Variants in TOGARAM1 observed in about 807,000 individuals in gnomAD.
TOGARAM1 encodes the protein TOG array regulator of axonemal microtubules protein 1.
A neutral mutation model predicts 166.6 loss-of-function variants in TOGARAM1; 100 were observed. That is an observed-to-expected ratio of 0.60 (90% CI 0.51 to 0.71). TOGARAM1 has a LOEUF of 0.71. Among genes scored for constraint, TOGARAM1 ranks in the 30% least tolerant of loss-of-function variants. The pLI is 0.00. For missense variants in TOGARAM1, 2,029 were observed against 2,102.7 expected (o/e 0.96, Z 0.69); for synonymous variants, 758 against 763.8 (o/e 0.99, Z 0.13).
intron 3 of TOGARAM1, among the ~76,000 whole-genome samples, chr14:45,003,406 GA>G (rs1159836463): frequency 1.3e-5 from 2 of 151,794 alleles, no homozygotes; most frequent in Admixed American, 6.6e-5. Flanking sequence ...AAGTAATAAA[GA>G]AAAAAATAAT....
At chr14:45,063,210 G>A (rs1021300569) in intron 16 of TOGARAM1, among the ~76,000 whole-genome samples, 6 of 151,836 alleles carry the variant, frequency 4.0e-5, no homozygotes, top group South Asian at 4.1e-4. Flanking sequence ...CCATTCATCC[G>A]TATATGGATA....
rs757832574 is a variant in TOGARAM1 at position 44,962,727 on chromosome 14, C to A, written c.306C>A (p.Leu102=). 31 of 1,613,820 alleles carry A rather than the reference C, an allele frequency of 1.9e-5. No homozygotes were observed. The South Asian group carries it at 3.3e-4, about 17-fold the overall frequency. The change falls in exon 1 of 20, where the codon CTC becomes CTA. Residue 102 remains leucine (L), a synonymous_variant. Coordinates refer to ENST00000361462, the MANE Select transcript of TOGARAM1 (RefSeq NM_001308120.2). ...AAGAGGACACTCGGCTCCTTCAACT[C>A]CTCCGCACTGCCCGGGATCCTTCTG... is the stretch of plus-strand genomic sequence containing the variant. ...GDEEDTRLLQ[L]LRTARDPSEA...
intron 1 of TOGARAM1, among the ~76,000 whole-genome samples, chr14:44,986,588 C>T (rs953679042): frequency 6.6e-6 from 1 of 152,044 alleles, no homozygotes; most frequent in Non-Finnish European, 1.5e-5. Flanking sequence ...TGAGCCACCA[C>T]TCCTGGCCCA....
intron 10 of TOGARAM1, among the ~76,000 whole-genome samples, 199 bp from the exon 11 acceptor site, chr14:45,032,024 G>A (rs773469790): frequency 1.1e-4 from 17 of 152,114 alleles, no homozygotes; most frequent in Non-Finnish European, 7.4e-5. Flanking sequence ...GCTGGGCATT[G>A]TGGTGCGCAC....
At chr14:45,054,361 T>G (rs1729418105) in intron 15 of TOGARAM1, 70 bp from the exon 16 acceptor site, 1 of 949,212 alleles carries the variant, frequency 1.1e-6, no homozygotes, top group South Asian at 1.8e-5. Flanking sequence ...ACTTTGAAAA[T>G]TACATTGTGT....
intron 2 of TOGARAM1, among the ~76,000 whole-genome samples, 178 bp from the exon 3 acceptor site, chr14:44,999,185 C>T (rs1446337443): frequency 6.6e-6 from 1 of 152,158 alleles, no homozygotes; most frequent in Non-Finnish European, 1.5e-5. Flanking sequence ...TAATTCCTGC[C>T]ACTAATCTGA....
At chr14:45,040,593 T>G (rs1881676644) in intron 11 of TOGARAM1, among the ~76,000 whole-genome samples, 1 of 152,020 alleles carries the variant, frequency 6.6e-6, no homozygotes, top group Non-Finnish European at 1.5e-5. Context: ...ACATGAAGAA[T>G]GAGAGAAGAA....
rs147045630 is a variant in TOGARAM1, at chr14:45,014,954, C to G, written c.3238+2879C>G. ...CTACAGTCCTTTCTAGCTTGTTGCCCCAGCTACCTCCTCTTCCTACCTTCC... is the reference window on the plus strand; with the variant it reads ...CTACAGTCCTTTCTAGCTTGTTGCCGCAGCTACCTCCTCTTCCTACCTTCC... On this transcript the variant is annotated intron_variant, in intron 7 of 19. Transcript: ENST00000361462. Among the ~76,000 whole-genome samples the G allele has an allele frequency of 8.3e-4, 126 of 152,184 alleles. 2 individuals are homozygous for G. Among genetic ancestry groups the G allele is most frequent in the African/African-American group, 2.8e-3 (115 of 41,532 alleles).
chr14:44,963,858 C>T lies in TOGARAM1; in HGVS notation c.1437C>T (p.Leu479=). 1 of 1,614,146 alleles carries T rather than the reference C, an allele frequency of 6.2e-7. No individual in the cohort carries two copies. Among genetic ancestry groups the T allele is most frequent in the Non-Finnish European group, 8.5e-7 (1 of 1,179,984 alleles). The part of the protein sequence containing the change: ...QQVLCLLLEH[L]KHKHSRVREE... ...TGCTTTGTTTACTCCTGGAACATCT[C>T]AAACATAAGCATTCCAGAGTGAGAG... Residue 479 remains leucine (L), a synonymous_variant, in exon 1 of 20, where the codon CTC becomes CTT. Transcript: ENST00000361462.
intron 10 of TOGARAM1, among the ~76,000 whole-genome samples, 183 bp from the exon 11 acceptor site, chr14:45,032,040 G>A (rs1423990466): frequency 2.0e-5 from 3 of 152,106 alleles, no homozygotes; most frequent in Non-Finnish European, 4.4e-5. Context: ...CGCACCTGTA[G>A]TCCCAGCTAC....
At chr14:45,043,940 T>G (rs1314153561) in intron 12 of TOGARAM1, 149 bp downstream of exon 12, 2 of 572,002 alleles carry the variant, frequency 3.5e-6, no homozygotes, top group Non-Finnish European at 6.2e-6. Flanking sequence ...TGTCTTAATT[T>G]GCAACATTAA....
chr14:44,987,609 G>GTGC lies in TOGARAM1; in HGVS notation c.2047-8134_2047-8132dup, dbSNP rs1886902028. On this transcript the variant is annotated intron_variant, in intron 1 of 19. Transcript: ENST00000361462. ...TCATTAAAAAGTCAGGAAACAACAG[G>GTGC]TGCTGGAGAGGATGTGGAGAAATAG... 2.6e-5 allele frequency among the ~76,000 whole-genome samples: 4 copies of GTGC among 150,980 alleles called. 2 individuals carry two copies. In the South Asian group the frequency reaches 8.5e-4, roughly 32 times the overall value.
At chr14:45,064,433 T>C (rs1883045663) in intron 16 of TOGARAM1, among the ~76,000 whole-genome samples, 1 of 152,154 alleles carries the variant, frequency 6.6e-6, no homozygotes. Flanking sequence ...GCCCAGCTTA[T>C]GTCTTTTTAA....
intron 1 of TOGARAM1, among the ~76,000 whole-genome samples, chr14:44,988,033 C>T (rs1024779661): frequency 2.7e-5 from 4 of 149,806 alleles, no homozygotes; most frequent in African/African-American, 7.4e-5. Context: ...CATGTTCTCA[C>T]TCATAGGCAG....
intron 6 of TOGARAM1, among the ~76,000 whole-genome samples, chr14:45,009,544 A>G (rs999905993): frequency 1.3e-5 from 2 of 152,156 alleles, no homozygotes; most frequent in Non-Finnish European, 2.9e-5. Flanking sequence ...TAATTTATGA[A>G]TAAGTTTCAC....
chr14:44,968,662 C>CT (rs1885698052), intron 1 of TOGARAM1, among the ~76,000 whole-genome samples: 1 of 152,190 alleles, frequency 6.6e-6, no homozygotes, highest in Non-Finnish European at 1.5e-5. Flanking sequence ...TCATCCGGTA[C>CT]TTTAGGGGTA....
intron 10 of TOGARAM1, among the ~76,000 whole-genome samples, chr14:45,030,991 G>A (rs1168341181): frequency 1.3e-5 from 2 of 152,086 alleles, no homozygotes; most frequent in East Asian, 3.8e-4. Flanking sequence ...CCCAAGGTCT[G>A]GTGTATAGTA....
chr14:45,045,543 G>GTA (rs375962126), intron 13 of TOGARAM1, among the ~76,000 whole-genome samples: 470 of 38,562 alleles, frequency 0.012, 7 homozygotes, highest in Non-Finnish European at 0.018. Context: ...GTCTGTGTGT[G>GTA]TATATATATA....
chr14:45,058,558 G>T (rs113019686), intron 16 of TOGARAM1, among the ~76,000 whole-genome samples: 4 of 152,248 alleles, frequency 2.6e-5, no homozygotes, highest in African/African-American at 9.6e-5. Context: ...CTCCCAAAGT[G>T]CTTGGATTAC....
Sources: gnomAD v4.1 joint callset for allele counts (sites outside exome capture counted in the v4.1 genomes callset) on GRCh38, gnomAD v4.1.1 for gene constraint, MANE v1.5 for transcripts, NCBI Gene and HGNC (gene_info 2026-07-23, HGNC 2026-07-21) for gene names.